Variants in ABHD17C observed in about 807,000 individuals in gnomAD.
ABHD17C encodes alpha/beta hydrolase domain-containing protein 17C.
ABHD17C carries 11 observed loss-of-function variants against 27.9 expected under a neutral mutation model. That is an observed-to-expected ratio of 0.39 (90% CI 0.25 to 0.65). The LOEUF is 0.65. ABHD17C is among the 30% of genes least tolerant of loss of function. ABHD17C has a pLI of 0.45. For missense variants in ABHD17C, 280 were observed against 470.2 expected, an observed-to-expected ratio of 0.60 and a Z score of 3.74; for synonymous variants, 233 against 209.1, an observed-to-expected ratio of 1.11 and a Z score of -0.98.
Position 80,726,501 on chromosome 15 carries a change from G to GTTTTTTTTTTTTTTTTTTT in ABHD17C, c.591-23002_591-22984dup, listed in dbSNP as rs10572505. 1.1e-4 allele frequency among the ~76,000 whole-genome samples: 10 copies of GTTTTTTTTTTTTTTTTTTT among 94,502 alleles called. 1 individual carries two copies. Among genetic ancestry groups the GTTTTTTTTTTTTTTTTTTT allele is most frequent in the African/African-American group, 4.8e-4 (9 of 18,718 alleles). The allele number at this position is 94,502 out of a possible 152,430, so 62.0% of individuals were successfully genotyped here. A position where few individuals can be genotyped will look rare whatever the true frequency, so the allele number is the denominator to read the frequency against. On this transcript the variant is annotated intron_variant, in intron 1 of 2. Coordinates refer to ENST00000258884, the MANE Select transcript of ABHD17C (RefSeq NM_021214.2). The stretch of plus-strand genomic sequence containing the variant: ...CCTTGGTTAATTGCTTCTTTTTCTG[G>GTTTTTTTTTTTTTTTTTTT]TTTTTTTTTTTTTTTTTTTTTTTTT...
intron 1 of ABHD17C, among the ~76,000 whole-genome samples, chr15:80,718,308 T>G (rs1210373712): frequency 6.6e-6 from 1 of 152,012 alleles, no homozygotes; most frequent in Non-Finnish European, 1.5e-5. Flanking sequence ...AATGTCTTCT[T>G]GTAATTTTAT....
intron 1 of ABHD17C, among the ~76,000 whole-genome samples, chr15:80,709,890 C>A (rs1894707295): frequency 6.6e-6 from 1 of 152,096 alleles, no homozygotes; most frequent in Non-Finnish European, 1.5e-5. Context: ...CCACTGTGGG[C>A]CAGGCTTTCT....
At chr15:80,730,165 A>G (rs1374373361) in intron 1 of ABHD17C, among the ~76,000 whole-genome samples, 2 of 152,180 alleles carry the variant, frequency 1.3e-5, no homozygotes, top group Non-Finnish European at 2.9e-5. Flanking sequence ...CATAGACATA[A>G]TGGTGGTTAT....
At chr15:80,700,371 A>G (rs888752728) in intron 1 of ABHD17C, among the ~76,000 whole-genome samples, 1 of 152,142 alleles carries the variant, frequency 6.6e-6, no homozygotes, top group Admixed American at 6.5e-5. Context: ...TTTGTAACTT[A>G]GGTGTCTGCT....
At chr15:80,726,603 C>G (rs192010294) in intron 1 of ABHD17C, among the ~76,000 whole-genome samples, 6 of 150,836 alleles carry the variant, frequency 4.0e-5, no homozygotes, top group South Asian at 2.1e-4. Context: ...GCTCCGCCCC[C>G]CCGCGTTCAC....
intron 2 of ABHD17C, among the ~76,000 whole-genome samples, chr15:80,751,273 T>C (rs1025070040): frequency 2.0e-5 from 3 of 152,062 alleles, no homozygotes; most frequent in Admixed American, 1.3e-4. Flanking sequence ...GGCATAAGAA[T>C]TGCTTGAACC....
chr15:80,701,561 C>T (rs1422135861), intron 1 of ABHD17C, among the ~76,000 whole-genome samples: 1 of 151,814 alleles, frequency 6.6e-6, no homozygotes, highest in Non-Finnish European at 1.5e-5. Context: ...CACCTATAAT[C>T]CCACCTACTC....
rs1389584275 is a variant in ABHD17C, at chr15:80,747,646, T to TA, written c.591-1866dup. Among the ~76,000 whole-genome samples, 3 of 152,144 alleles carry TA rather than the reference T, an allele frequency of 2.0e-5. No individual in the cohort carries two copies. In the East Asian group the frequency reaches 5.8e-4, roughly 29 times the overall value. ...TGCTGACCATTTTTTAGTAACCTGTTACGCCAACGGGAATGAAGCCCCAGG... is the reference window on the plus strand; with the variant it reads ...TGCTGACCATTTTTTAGTAACCTGTTAACGCCAACGGGAATGAAGCCCCAGG... On this transcript the variant is annotated intron_variant, in intron 1 of 2. Coordinates refer to ENST00000258884, the MANE Select transcript of ABHD17C (RefSeq NM_021214.2).
intron 1 of ABHD17C, among the ~76,000 whole-genome samples, chr15:80,729,882 C>A (rs376855917): frequency 1.3e-5 from 2 of 152,078 alleles, no homozygotes; most frequent in Non-Finnish European, 2.9e-5. Context: ...AAGGCTGAGG[C>A]AGGAGGATCA....
intron 1 of ABHD17C, among the ~76,000 whole-genome samples, chr15:80,740,684 C>T (rs995750542): frequency 2.0e-5 from 3 of 152,134 alleles, no homozygotes; most frequent in Middle Eastern, 3.2e-3. Context: ...AATATCAAGA[C>T]GTTTTGTCCC....
intron 1 of ABHD17C, among the ~76,000 whole-genome samples, chr15:80,729,148 A>G (rs10851939): frequency 0.22 from 33,074 of 152,006 alleles, 4,052 homozygotes; most frequent in South Asian, 0.3. Flanking sequence ...TGGGTGCCTG[A>G]TAACCACTGG....
At chr15:80,740,063 C>T (rs1895187924) in intron 1 of ABHD17C, among the ~76,000 whole-genome samples, 1 of 152,148 alleles carries the variant, frequency 6.6e-6, no homozygotes, top group African/African-American at 2.4e-5. Context: ...CCTACCCTTT[C>T]CACACATGCC....
At chr15:80,712,810 T>C (rs1194014405) in intron 1 of ABHD17C, among the ~76,000 whole-genome samples, 1 of 152,244 alleles carries the variant, frequency 6.6e-6, no homozygotes, top group Non-Finnish European at 1.5e-5. Flanking sequence ...TTTCTAAATC[T>C]ATAGTTTTAC....
intron 2 of ABHD17C, among the ~76,000 whole-genome samples, chr15:80,752,596 G>A (rs912573679): frequency 2.6e-5 from 4 of 152,164 alleles, no homozygotes; most frequent in East Asian, 1.9e-4. Flanking sequence ...CAAAGCACCC[G>A]GCTATGGTAA....
At chr15:80,726,262 C>T (rs959119500) in intron 1 of ABHD17C, among the ~76,000 whole-genome samples, 2 of 152,232 alleles carry the variant, frequency 1.3e-5, no homozygotes, top group Non-Finnish European at 2.9e-5. Flanking sequence ...CATAAACCCA[C>T]AACCTTCCAG....
At chr15:80,696,071 T>TGGG in intron 1 of ABHD17C, 52 bp downstream of exon 1, 3 of 1,487,922 alleles carry the variant, frequency 2.0e-6, no homozygotes, top group Non-Finnish European at 2.7e-6. Context: ...GGAGGCGGGG[T>TGGG]GGGGGTCTCT....
intron 1 of ABHD17C, among the ~76,000 whole-genome samples, chr15:80,726,488 G>T (rs1894977518): frequency 7.4e-6 from 1 of 135,080 alleles, no homozygotes; most frequent in South Asian, 2.4e-4. Context: ...TTGGTTAATT[G>T]CTTCTTTTTC....
At chr15:80,749,719 G>A in intron 2 of ABHD17C, 27 bp downstream of exon 2, 1 of 1,602,656 alleles carries the variant, frequency 6.2e-7, no homozygotes, top group Non-Finnish European at 8.5e-7. Flanking sequence ...CCAACAAGTG[G>A]TAAGTCAGCC....
At chr15:80,701,229 G>C (rs12914623) in intron 1 of ABHD17C, among the ~76,000 whole-genome samples, 42,283 of 151,836 alleles carry the variant, frequency 0.28, 6,317 homozygotes, top group African/African-American at 0.39. Context: ...CAGTCTCAGG[G>C]TGGAATTCTC....
Sources: gnomAD v4.1 joint callset for allele counts (sites outside exome capture counted in the v4.1 genomes callset) on GRCh38, gnomAD v4.1.1 for gene constraint, MANE v1.5 for transcripts, NCBI Gene and HGNC (gene_info 2026-07-23, HGNC 2026-07-21) for gene names.